The following CBLN2 variants were observed in gnomAD, a reference collection of about 807,000 sequenced individuals.
CBLN2 encodes the protein cerebellin 2 precursor.
Under a neutral mutation model 15.0 loss-of-function variants are expected in CBLN2, and 7 were observed. That is an observed-to-expected ratio of 0.47 (90% CI 0.27 to 0.88). CBLN2 has a LOEUF of 0.88. CBLN2 is among the 40% of genes least tolerant of loss of function. CBLN2 has a pLI of 0.14. For synonymous variants in CBLN2, 149 were observed against 135.2 expected (o/e 1.10, Z -0.71); for missense variants, 242 against 304.5 (o/e 0.79, Z 1.53).
intron 1 of CBLN2, among the ~76,000 whole-genome samples, chr18:72,574,954 T>C (rs1599006261): frequency 1.3e-5 from 2 of 152,150 alleles, no homozygotes; most frequent in Non-Finnish European, 2.9e-5. Flanking sequence ...TCTCAGATTG[T>C]GGTATTCTCC....
intron 1 of CBLN2, among the ~76,000 whole-genome samples, chr18:72,586,675 G>A (rs1237231252): frequency 6.6e-6 from 1 of 152,186 alleles, no homozygotes; most frequent in Non-Finnish European, 1.5e-5. Context: ...TACTCACACA[G>A]TACGTTAGTG....
chr18:72,605,600 A>C (rs960260240), intron 1 of CBLN2, among the ~76,000 whole-genome samples: 3 of 152,354 alleles, frequency 2.0e-5, no homozygotes, highest in African/African-American at 7.2e-5. Context: ...AAGATAAGTC[A>C]AACAATGGAG....
At chr18:72,552,452 A>AT (rs34792705) in intron 1 of CBLN2, 1 of 152,094 alleles carries the variant, frequency 6.6e-6, no homozygotes. Flanking sequence ...TAATATTTAT[A>AT]TTTTTTCAAA....
intron 1 of CBLN2, among the ~76,000 whole-genome samples, chr18:72,583,365 C>T (rs926211756): frequency 6.6e-6 from 1 of 152,104 alleles, no homozygotes; most frequent in African/African-American, 2.4e-5. Flanking sequence ...TAGAGCAGAG[C>T]CTGTTATTCC....
At chr18:72,637,622 A>C (rs55934215) in intron 1 of CBLN2, among the ~76,000 whole-genome samples, 18,996 of 152,194 alleles carry the variant, frequency 0.12, 1,289 homozygotes, top group Middle Eastern at 0.16. Context: ...GCTATTTTCC[A>C]CTGGAGGGGA....
At chr18:72,621,087 C>T (rs182627018) in intron 1 of CBLN2, among the ~76,000 whole-genome samples, 1 of 152,090 alleles carries the variant, frequency 6.6e-6, no homozygotes, top group African/African-American at 2.4e-5. Context: ...CTTGCCAGTG[C>T]CCTTTCCTTT....
At chr18:72,566,807 A>G (rs2069298198) in intron 1 of CBLN2, among the ~76,000 whole-genome samples, 1 of 152,124 alleles carries the variant, frequency 6.6e-6, no homozygotes, top group Non-Finnish European at 1.5e-5. Context: ...TTTGCACCAA[A>G]AAGAAATGTT....
chr18:72,627,303 CAT>C (rs1215081970), intron 1 of CBLN2, among the ~76,000 whole-genome samples: 1 of 152,130 alleles, frequency 6.6e-6, no homozygotes, highest in Non-Finnish European at 1.5e-5. Context: ...CAGTACAGAA[CAT>C]ATGTTATTCG....
In CBLN2 at chr18:72,538,233, G is replaced by C. The variant is rs745996414; in HGVS notation, c.618C>G (p.Asn206Lys). The C allele has an allele frequency of 1.2e-6, 2 of 1,614,020 alleles. No individual in the cohort carries two copies. The highest frequency in any genetic ancestry group is 2.2e-5 in the South Asian group (2 of 91,066). Reference protein sequence around the residue: ...DKVHLKLERGNLMGGWKYSTF... With the variant: ...DKVHLKLERGKLMGGWKYSTF... The stretch of plus-strand genomic sequence containing the variant: ...TGGAGTATTTCCAGCCCCCCATGAG[G>C]TTGCCTCTCTCAAGTTTGAGATGCA... Residue 206 changes from asparagine to lysine, a missense_variant, in exon 5 of 5, where the codon AAC (asparagine) becomes AAG (lysine). This residue lies in a region of CBLN2 where 31 missense variants were observed against 36.3 expected (regional missense o/e 0.86). Transcript: ENST00000269503.
At chr18:72,622,670 T>C (rs1224226117) in intron 1 of CBLN2, among the ~76,000 whole-genome samples, 1 of 152,196 alleles carries the variant, frequency 6.6e-6, no homozygotes, top group Non-Finnish European at 1.5e-5. Context: ...TGTACCTGTG[T>C]ACATAATCAG....
At chr18:72,555,808 A>G (rs2069223542) in intron 1 of CBLN2, among the ~76,000 whole-genome samples, 2 of 152,192 alleles carry the variant, frequency 1.3e-5, no homozygotes, top group Admixed American at 1.3e-4. Flanking sequence ...CACTTTAGAT[A>G]AACATCTTAC....
chr18:72,586,916 T>A (rs12956640), intron 1 of CBLN2, among the ~76,000 whole-genome samples: 7 of 151,734 alleles, frequency 4.6e-5, no homozygotes, highest in African/African-American at 1.2e-4. Flanking sequence ...ATCCTAAGGT[T>A]AAAATTTTCA....
chr18:72,540,050 G>A (rs1598987054), intron 3 of CBLN2: 2 of 152,266 alleles, frequency 1.3e-5, no homozygotes, highest in African/African-American at 4.8e-5. Flanking sequence ...CACCACTTCA[G>A]CTCCACTCAA....
chr18:72,594,746 G>C (rs2069502142), intron 1 of CBLN2, among the ~76,000 whole-genome samples: 1 of 151,906 alleles, frequency 6.6e-6, no homozygotes, highest in African/African-American at 2.4e-5. Context: ...ATTTCTTCTT[G>C]TTTAAATCTT....
At chr18:72,582,659 A>T (rs1264628276) in intron 1 of CBLN2, among the ~76,000 whole-genome samples, 1 of 152,160 alleles carries the variant, frequency 6.6e-6, no homozygotes, top group African/African-American at 2.4e-5. Flanking sequence ...ATAATTGCAT[A>T]TAATATGTGC....
chr18:72,629,726 T>C (rs1830421957), intron 1 of CBLN2, among the ~76,000 whole-genome samples: 1 of 152,140 alleles, frequency 6.6e-6, no homozygotes, highest in Admixed American at 6.5e-5. Flanking sequence ...ATTTCTCTAG[T>C]AACTTGACTT....
At chr18:72,576,997 T>C (rs1017873502) in intron 1 of CBLN2, among the ~76,000 whole-genome samples, 1 of 147,686 alleles carries the variant, frequency 6.8e-6, no homozygotes, top group African/African-American at 2.5e-5. Flanking sequence ...GAATTATAAA[T>C]GTGATAATTT....
At chr18:72,594,826 T>TACTA (rs760507267) in intron 1 of CBLN2, among the ~76,000 whole-genome samples, 16 of 152,108 alleles carry the variant, frequency 1.1e-4, no homozygotes, top group Non-Finnish European at 2.2e-4. Context: ...TATTTGCTCA[T>TACTA]ACTAACCTCC....
intron 1 of CBLN2, among the ~76,000 whole-genome samples, chr18:72,608,345 G>A (rs796946640): frequency 2.1e-4 from 32 of 152,132 alleles, no homozygotes; most frequent in African/African-American, 7.0e-4. Flanking sequence ...TTCCCTCCCC[G>A]CTCTGTTCTT....
Sources: gnomAD v4.1 joint callset for allele counts (sites outside exome capture counted in the v4.1 genomes callset) on GRCh38, gnomAD v4.1.1 for gene constraint, gnomAD v4.1.1 regional missense constraint, MANE v1.5 for transcripts, NCBI Gene and HGNC (gene_info 2026-07-23, HGNC 2026-07-21) for gene names.